The following BCL11A variants were observed in gnomAD, a reference collection of about 807,000 sequenced individuals.
The protein encoded by BCL11A is B cell CLL/lymphoma 11A.
Under a neutral mutation model 55.9 loss-of-function variants are expected in BCL11A, and 2 were observed. The ratio of observed to expected loss-of-function variants is 0.04; its 90% CI spans 0.01 to 0.11. BCL11A has a LOEUF of 0.11. Ranked by LOEUF, BCL11A falls within the 10% of genes least tolerant of loss-of-function variation. The pLI, the probability that BCL11A is intolerant of heterozygous loss-of-function variation, is 1.00. For missense variants in BCL11A, 817 were observed against 1,137.1 expected (o/e 0.72, Z 4.05); for synonymous variants, 465 against 473.4 (o/e 0.98, Z 0.23).
exon 5 of BCL11A, chr2:60,451,892 A>G (rs1160709346): frequency 8.7e-6 from 2 of 229,616 alleles, no homozygotes; most frequent in Non-Finnish European, 8.6e-6. Flanking sequence ...ACACTTCAGC[A>G]TTAATAAACA....
At chr2:60,507,752 A>C (rs1474751839) in intron 2 of BCL11A, among the ~76,000 whole-genome samples, 1 of 150,962 alleles carries the variant, frequency 6.6e-6, no homozygotes, top group East Asian at 2.0e-4. Context: ...CAAGACAGAA[A>C]GCGGGTGGGG....
chr2:60,518,363 A>C (rs1292782482), intron 2 of BCL11A, among the ~76,000 whole-genome samples: 1 of 152,170 alleles, frequency 6.6e-6, no homozygotes, highest in Non-Finnish European at 1.5e-5. Flanking sequence ...CATGAAGCAG[A>C]CTCAGAGAAT....
At chr2:60,514,178 C>T (rs1225821884) in intron 2 of BCL11A, among the ~76,000 whole-genome samples, 1 of 152,114 alleles carries the variant, frequency 6.6e-6, no homozygotes, top group Non-Finnish European at 1.5e-5. Flanking sequence ...GAGAGGCTTC[C>T]AGGCTGGGCT....
At chr2:60,492,615 CCTCTCT>C (rs3028027) in intron 2 of BCL11A, among the ~76,000 whole-genome samples, 1 of 144,532 alleles carries the variant, frequency 6.9e-6, no homozygotes, top group African/African-American at 2.6e-5. Context: ...AGTGGGCCTC[CCTCTCT>C]CTCTCTCTCT....
At chr2:60,517,771 C>G (rs556121604) in intron 2 of BCL11A, among the ~76,000 whole-genome samples, 1 of 152,352 alleles carries the variant, frequency 6.6e-6, no homozygotes, top group South Asian at 2.1e-4. Flanking sequence ...CAACCTTTCT[C>G]ATCTGTAAAA....
chr2:60,535,887 C>G (rs1669648276), intron 2 of BCL11A: 2 of 152,250 alleles, frequency 1.3e-5, no homozygotes, highest in African/African-American at 4.8e-5. Flanking sequence ...TCGTGGGAAC[C>G]TGGATTTGCA....
At chr2:60,520,768 GC>G (rs1426197167) in intron 2 of BCL11A, among the ~76,000 whole-genome samples, 1 of 150,712 alleles carries the variant, frequency 6.6e-6, no homozygotes, top group African/African-American at 2.5e-5. Flanking sequence ...ATCTGAAGGG[GC>G]AGCCAGACAT....
chr2:60,543,941 T>C (rs985310766), intron 2 of BCL11A: 2 of 152,224 alleles, frequency 1.3e-5, no homozygotes, highest in African/African-American at 4.8e-5. Context: ...TTTAAAAAAA[T>C]AATAACAGAA....
At position 60,461,129 on chromosome 2, in the gene BCL11A, CCGA is replaced by C; in HGVS notation, c.1780_1782del (p.Ser594del). 1 of 1,610,706 alleles carries C rather than the reference CCGA, an allele frequency of 6.2e-7. No individual in the cohort carries two copies. Among genetic ancestry groups the C allele is most frequent in the East Asian group, 2.2e-5 (1 of 44,842 alleles). On this transcript the variant is annotated inframe_deletion, in exon 4 of 4. Coordinates refer to ENST00000642384, the MANE Select transcript of BCL11A (RefSeq NM_022893.4). The stretch of plus-strand genomic sequence containing the variant: ...TTAACAGTGCCATCGTCTATGCGGT[CCGA>C]CTCGCCGGCCACCGAGTCTTCGTCG...
At chr2:60,537,197 A>G (rs906244247) in intron 2 of BCL11A, 2 of 152,228 alleles carry the variant, frequency 1.3e-5, no homozygotes, top group Non-Finnish European at 2.9e-5. Flanking sequence ...AAAACATAAC[A>G]TGAGAAGGTT....
intron 2 of BCL11A, chr2:60,541,727 A>G (rs2104716963): frequency 1.9e-6 from 1 of 520,268 alleles, no homozygotes; most frequent in East Asian, 3.3e-5. Flanking sequence ...TCACCAGTAT[A>G]TTGTTTTTTG....
chr2:60,468,654 T>C (rs766722605), intron 3 of BCL11A, 78 bp downstream of exon 3: 1 of 1,119,760 alleles, frequency 8.9e-7, no homozygotes, highest in Non-Finnish European at 1.3e-6. Flanking sequence ...CTTCAGTACT[T>C]AAAAAGTAAG....
chr2:60,455,262 G>C (rs1354076643), downstream of BCL11A, among the ~76,000 whole-genome samples: 1 of 152,062 alleles, frequency 6.6e-6, no homozygotes, highest in Non-Finnish European at 1.5e-5. Flanking sequence ...AGGATTTTAA[G>C]AGACATTAAT....
At position 60,553,372 on chromosome 2, in the gene BCL11A, G is replaced by C. The variant is rs1670502756; in HGVS notation, c.-102C>G. 8.3e-7 allele frequency: 1 copy of C among 1,206,340 alleles called. No homozygotes were observed. Among genetic ancestry groups the C allele is most frequent in the African/African-American group, 1.6e-5 (1 of 63,910 alleles). The allele number at this position is 1,206,340 out of a possible 1,614,324, so 74.7% of individuals were successfully genotyped here. ...CCGGGTTAGAAAGAAGGAGACTCCA[G>C]AGAAAATATCTTCATCAGTGCCTTT... On this transcript the variant is annotated 5_prime_UTR_variant, in exon 1 of 4. Coordinates refer to ENST00000642384, the MANE Select transcript of BCL11A (RefSeq NM_022893.4).
At chr2:60,506,358 C>A (rs1019372588) in intron 2 of BCL11A, among the ~76,000 whole-genome samples, 4 of 152,236 alleles carry the variant, frequency 2.6e-5, no homozygotes, top group African/African-American at 9.6e-5. Flanking sequence ...CTGCCAGCGG[C>A]CCCCATTCTG....
At chr2:60,502,746 T>C (rs1484410040) in intron 2 of BCL11A, among the ~76,000 whole-genome samples, 3 of 152,248 alleles carry the variant, frequency 2.0e-5, no homozygotes, top group Admixed American at 6.5e-5. Context: ...CCTCTGATCA[T>C]GGTAGCACAG....
intron 3 of BCL11A, among the ~76,000 whole-genome samples, chr2:60,464,505 G>A (rs1053904929): frequency 6.6e-6 from 1 of 152,080 alleles, no homozygotes; most frequent in Admixed American, 6.5e-5. Context: ...TTAGCCTGAC[G>A]ATCTGAGTTG....
intron 3 of BCL11A, among the ~76,000 whole-genome samples, chr2:60,467,935 G>A (rs1405549404): frequency 3.8e-5 from 5 of 130,714 alleles, no homozygotes; most frequent in Non-Finnish European, 6.9e-5. Context: ...TGGTAGTGAT[G>A]GTGGTGGTGG....
intron 2 of BCL11A, among the ~76,000 whole-genome samples, chr2:60,491,847 C>A (rs1490406902): frequency 6.6e-6 from 1 of 152,138 alleles, no homozygotes; most frequent in African/African-American, 2.4e-5. Context: ...TGTTAAGAAC[C>A]CAAATCCATA....
Sources: allele counts gnomAD v4.1 joint callset (sites outside exome capture counted in the v4.1 genomes callset), GRCh38; gene constraint gnomAD v4.1.1; transcripts MANE v1.5; gene names NCBI Gene and HGNC (gene_info 2026-07-23, HGNC 2026-07-21).